KIAA1549L: variants seen among roughly 807,000 people sequenced by gnomAD.
KIAA1549L encodes UPF0606 protein KIAA1549L.
In KIAA1549L, 88 loss-of-function variants were observed where a neutral mutation model predicts 160.7. The ratio of observed to expected loss-of-function variants is 0.55; its 90% confidence interval spans 0.46 to 0.65. The LOEUF (loss-of-function observed/expected upper bound fraction) is 0.65. Ranked by LOEUF, KIAA1549L falls within the 30% of genes least tolerant of loss-of-function variation. KIAA1549L has a pLI of 0.00. For missense variants in KIAA1549L, 2,258 were observed against 2,437.5 expected (o/e 0.93, Z 1.55); for synonymous variants, 950 against 976.7 (o/e 0.97, Z 0.51).
In KIAA1549L at chr11:33,543,522, A is replaced by C. The variant is rs1565176671; in HGVS notation, c.1959A>C (p.Ala653=). The C allele has an allele frequency of 6.2e-7, 1 of 1,613,918 alleles. No homozygotes were observed. Among genetic ancestry groups the C allele is most frequent in the African/African-American group, 1.3e-5 (1 of 74,934 alleles). Residue 653 remains alanine (A), a synonymous_variant, in exon 2 of 21, where the codon GCA becomes GCC. Transcript: ENST00000658780. ...CCAGCACCAAGCCAGAGGCTTATGC[A>C]GCTGCTGTGGACCATTCTGGGTTGC... is the stretch of plus-strand genomic sequence containing the variant. The part of the protein sequence containing the change: ...GFSSTKPEAY[A]AAVDHSGLPA...
chr11:33,406,424 C>A (rs369149695), intron 1 of KIAA1549L, among the ~76,000 whole-genome samples: 3 of 152,328 alleles, frequency 2.0e-5, no homozygotes, highest in South Asian at 4.1e-4. Flanking sequence ...GGGGAGGGGC[C>A]GCTGCCTTGA....
rs1174879873 is a variant in KIAA1549L, at chr11:33,669,765, TG to T, written c.*1613del. 4 of 152,250 alleles carry T rather than the reference TG, an allele frequency of 2.6e-5. No individual in the cohort carries two copies. The highest frequency in any genetic ancestry group is 6.5e-5 in the Admixed American group (1 of 15,290). The allele number at this position is 152,250 out of a possible 1,614,324, so 9.4% of individuals were successfully genotyped here. On this transcript the variant is annotated 3_prime_UTR_variant, in exon 21 of 21. Coordinates refer to ENST00000658780, the MANE Select transcript of KIAA1549L (RefSeq NM_012194.3). ...CAAAGAAGTTGTTTATATTTTCCAA[TG>T]GCAAACTGCCCTTTCTGGAATGTTC... is the stretch of plus-strand genomic sequence containing the variant.
At chr11:33,571,805 C>T (rs1039244161) in intron 9 of KIAA1549L, among the ~76,000 whole-genome samples, 8 of 152,088 alleles carry the variant, frequency 5.3e-5, no homozygotes, top group African/African-American at 1.9e-4. Flanking sequence ...ATATCATGAT[C>T]TTATCAAGTG....
intron 1 of KIAA1549L, among the ~76,000 whole-genome samples, chr11:33,517,274 G>C (rs1160918060): frequency 6.6e-6 from 1 of 152,206 alleles, no homozygotes; most frequent in Non-Finnish European, 1.5e-5. Flanking sequence ...CTGAAGGGCT[G>C]CCTCCTGGAG....
intron 20 of KIAA1549L, among the ~76,000 whole-genome samples, chr11:33,665,726 C>A (rs1178912050): frequency 6.6e-6 from 1 of 152,154 alleles, no homozygotes; most frequent in Non-Finnish European, 1.5e-5. Context: ...CTCTTCCACC[C>A]AGGAGTCTGT....
At chr11:33,395,282 G>A (rs1244344125) in intron 1 of KIAA1549L, among the ~76,000 whole-genome samples, 4 of 152,302 alleles carry the variant, frequency 2.6e-5, no homozygotes, top group Admixed American at 6.5e-5. Context: ...ACTTCCTTCT[G>A]CCTGTAGCAA....
chr11:33,600,561 C>G (rs891813239), intron 13 of KIAA1549L, among the ~76,000 whole-genome samples: 3 of 149,156 alleles, frequency 2.0e-5, no homozygotes, highest in Admixed American at 2.0e-4. Context: ...TCCTTCCTTC[C>G]TTTCCTTCCT....
Position 33,671,849 on chromosome 11 carries a change from C to G in KIAA1549L, c.*3695C>G, listed in dbSNP as rs1360044820. 6.6e-6 allele frequency: 1 copy of G among 152,160 alleles called. No individual in the cohort carries two copies. Among genetic ancestry groups the G allele is most frequent in the African/African-American group, 2.4e-5 (1 of 41,430 alleles). The allele number at this position is 152,160 out of a possible 1,614,324, so 9.4% of individuals were successfully genotyped here. On this transcript the variant is annotated 3_prime_UTR_variant, in exon 21 of 21. Transcript: ENST00000658780. ...CAGGATTTGTACTTAATCCTAAATTCCTCTTATCACACACCAGAAAATAAT... is the reference window on the plus strand; with the variant it reads ...CAGGATTTGTACTTAATCCTAAATTGCTCTTATCACACACCAGAAAATAAT...
intron 1 of KIAA1549L, among the ~76,000 whole-genome samples, chr11:33,506,529 C>T (rs1853093765): frequency 6.6e-6 from 1 of 151,912 alleles, no homozygotes. Context: ...AGTTCTAGAC[C>T]AGCCTGGGCA....
At chr11:33,522,144 T>C (rs1022159624) in intron 1 of KIAA1549L, among the ~76,000 whole-genome samples, 2 of 152,212 alleles carry the variant, frequency 1.3e-5, no homozygotes, top group Non-Finnish European at 2.9e-5. Context: ...TTGTTATCTT[T>C]TTGAGTTTGG....
chr11:33,563,053 C>T (rs543927281), intron 8 of KIAA1549L, among the ~76,000 whole-genome samples: 2 of 151,880 alleles, frequency 1.3e-5, no homozygotes, highest in South Asian at 4.2e-4. Context: ...GTTAGGGCTT[C>T]AAAATAGGAA....
Position 33,543,817 on chromosome 11 carries a change from G to C in KIAA1549L, c.2254G>C (p.Asp752His), listed in dbSNP as rs61736871. The change falls in exon 2 of 21, where the codon GAT (aspartate) becomes CAT (histidine). Residue 752 changes from aspartate (D) to histidine (H), a missense_variant. By Grantham distance (81) the Asp-to-His change is moderately conservative. This residue lies in a region of KIAA1549L where 287 missense variants were observed against 292.3 expected (regional missense o/e 0.98). Coordinates refer to ENST00000658780, the MANE Select transcript of KIAA1549L (RefSeq NM_012194.3). ...TCCCAATGGTTTAACTTCAGCTGCC[G>C]ATGCCATAAAATCTCAGGATTTCAA... ...APPNGLTSAA[D>H]AIKSQDFKDT... 27 of 1,613,888 alleles carry C rather than the reference G, an allele frequency of 1.7e-5. No individual in the cohort carries two copies. Among genetic ancestry groups the C allele is most frequent in the African/African-American group, 2.7e-5 (2 of 74,932 alleles).
chr11:33,480,699 G>T (rs1852393363), intron 1 of KIAA1549L, among the ~76,000 whole-genome samples: 1 of 152,178 alleles, frequency 6.6e-6, no homozygotes, highest in African/African-American at 2.4e-5. Flanking sequence ...CCAAGTCCTG[G>T]TGGGCCATTT....
chr11:33,544,513 C>T (rs909259672), intron 2 of KIAA1549L, among the ~76,000 whole-genome samples, 177 bp downstream of exon 2: 1 of 152,164 alleles, frequency 6.6e-6, no homozygotes, highest in Non-Finnish European at 1.5e-5. Context: ...GATCCTGTGC[C>T]CACCTGAGCT....
intron 1 of KIAA1549L, among the ~76,000 whole-genome samples, chr11:33,449,268 G>T (rs1406986875): frequency 6.6e-6 from 1 of 151,346 alleles, no homozygotes; most frequent in Non-Finnish European, 1.5e-5. Flanking sequence ...TCTAGAGATT[G>T]TTTCTGCAAA....
chr11:33,455,283 A>G (rs938073291), intron 1 of KIAA1549L, among the ~76,000 whole-genome samples: 2 of 152,230 alleles, frequency 1.3e-5, no homozygotes, highest in African/African-American at 4.8e-5. Flanking sequence ...AGCCACAGTC[A>G]TATATTATGA....
At chr11:33,430,799 G>A (rs761933949) in intron 1 of KIAA1549L, among the ~76,000 whole-genome samples, 1 of 152,202 alleles carries the variant, frequency 6.6e-6, no homozygotes, top group South Asian at 2.1e-4. Context: ...CACCACTGCA[G>A]ACCCAAACAT....
chr11:33,639,549 A>ATTT (rs1441272075), intron 16 of KIAA1549L, among the ~76,000 whole-genome samples: 1 of 152,040 alleles, frequency 6.6e-6, no homozygotes, highest in Non-Finnish European at 1.5e-5. Context: ...TATTATTATT[A>ATTT]TTATTTTTGA....
chr11:33,482,916 AC>A (rs1222829527), intron 1 of KIAA1549L, among the ~76,000 whole-genome samples: 1 of 152,150 alleles, frequency 6.6e-6, no homozygotes, highest in Non-Finnish European at 1.5e-5. Flanking sequence ...GATTTATATG[AC>A]TAAGACAAGC....
Sources: gnomAD v4.1 joint callset for allele counts (sites outside exome capture counted in the v4.1 genomes callset) on GRCh38, gnomAD v4.1.1 for gene constraint, gnomAD v4.1.1 regional missense constraint, MANE v1.5 for transcripts, NCBI Gene and HGNC (gene_info 2026-07-23, HGNC 2026-07-21) for gene names.